The following CHN1 variants were observed in gnomAD, a reference collection of about 807,000 sequenced individuals.
CHN1 encodes chimerin 1, also known as N-chimaerin.
CHN1 carries 37 observed loss-of-function variants against 59.5 expected under a neutral mutation model. The ratio of observed to expected loss-of-function variants is 0.62; its 90% confidence interval spans 0.48 to 0.82. CHN1 has a LOEUF of 0.82. CHN1 is among the 40% of genes least tolerant of loss of function. The pLI, the probability that CHN1 is intolerant of heterozygous loss-of-function variation, is 0.00. For synonymous variants in CHN1, 206 were observed against 200.4 expected, an observed-to-expected ratio of 1.03 and a Z score of -0.24; for missense variants, 469 against 571.0, an observed-to-expected ratio of 0.82 and a Z score of 1.82.
rs556322730 is a variant in CHN1, at chr2:174,870,139, G to A, written c.549+7701C>T. ...TCACTGAATGGTGTTAGAAGCTAAC[G>A]AAATGAAGGATAATAAGGCTGATTC... On this transcript the variant is annotated intron_variant, in intron 6 of 12. Coordinates refer to ENST00000409900, the MANE Select transcript of CHN1 (RefSeq NM_001822.7). 6.5e-4 allele frequency among the ~76,000 whole-genome samples: 99 copies of A among 152,232 alleles called. 1 individual carries two copies. The highest frequency in any genetic ancestry group is 1.0e-3 in the Non-Finnish European group (69 of 67,998).
intron 5 of CHN1, among the ~76,000 whole-genome samples, 166 bp downstream of exon 5, chr2:174,914,892 C>T (rs1375640139): frequency 1.3e-5 from 2 of 150,696 alleles, no homozygotes; most frequent in African/African-American, 2.4e-5. Context: ...TGAGTGTTAC[C>T]ATTCACGAGG....
intron 3 of CHN1, among the ~76,000 whole-genome samples, chr2:174,936,683 G>A (rs1392097480): frequency 6.6e-6 from 1 of 152,000 alleles, no homozygotes; most frequent in Non-Finnish European, 1.5e-5. Context: ...TGACAGAGTT[G>A]TATACACAAA....
chr2:174,914,522 A>G lies in CHN1; in HGVS notation c.260+536T>C, dbSNP rs1574158491. On this transcript the variant is annotated intron_variant, in intron 5 of 12. Transcript: ENST00000409900. ...AACAGGAAAGAAGGGGTAAGATGGAATGGAAGGAAGCAGCTACCGCAAAAT... is the reference window on the plus strand; with the variant it reads ...AACAGGAAAGAAGGGGTAAGATGGAGTGGAAGGAAGCAGCTACCGCAAAAT... Among the ~76,000 whole-genome samples, 4 of 152,306 alleles carry G rather than the reference A, an allele frequency of 2.6e-5. No individual in the cohort carries two copies. The East Asian group carries it at 7.7e-4, about 29-fold the overall frequency.
At chr2:174,862,566 C>T (rs1294793012) in intron 6 of CHN1, among the ~76,000 whole-genome samples, 2 of 152,108 alleles carry the variant, frequency 1.3e-5, no homozygotes, top group East Asian at 1.9e-4. Flanking sequence ...CTCCTAACCT[C>T]GTGATCCACC....
chr2:174,831,214 A>G (rs1460263814), intron 7 of CHN1, among the ~76,000 whole-genome samples: 1 of 152,238 alleles, frequency 6.6e-6, no homozygotes, highest in Non-Finnish European at 1.5e-5. Flanking sequence ...ATTCTCATAA[A>G]AATACATTTA....
At chr2:174,885,090 A>C (rs1687853732) in intron 5 of CHN1, among the ~76,000 whole-genome samples, 1 of 151,756 alleles carries the variant, frequency 6.6e-6, no homozygotes, top group African/African-American at 2.4e-5. Flanking sequence ...GATCAAGACC[A>C]TCCTGGCTAA....
Position 174,874,533 on chromosome 2 carries a change from C to T in CHN1, c.549+3307G>A, listed in dbSNP as rs1250007332. ...GTAAGAATCTTCAGGATTCACTCCT[C>T]ATGGTAAAAACCTTCATGGCCATGA... On this transcript the variant is annotated intron_variant, in intron 6 of 12. Transcript: ENST00000409900. Among the ~76,000 whole-genome samples the T allele has an allele frequency of 5.9e-5, 9 of 152,212 alleles. No homozygotes were observed. The East Asian group carries it at 1.7e-3, about 29-fold the overall frequency.
At chr2:174,955,084 CATCTATATATCTATATATATAG>C (rs945760405) in intron 1 of CHN1, among the ~76,000 whole-genome samples, 3 of 150,392 alleles carry the variant, frequency 2.0e-5, no homozygotes, top group Non-Finnish European at 3.0e-5. Flanking sequence ...GCGGTATATA[CATCTATATATCTATATATATAG>C]ATCTATAGAT....
chr2:174,899,428 A>C (rs1270267352), intron 5 of CHN1, among the ~76,000 whole-genome samples: 1 of 152,224 alleles, frequency 6.6e-6, no homozygotes, highest in Non-Finnish European at 1.5e-5. Flanking sequence ...GATTTGCCAA[A>C]GATGGTAGCA....
At chr2:174,882,151 C>G (rs1558965541) in intron 5 of CHN1, among the ~76,000 whole-genome samples, 1 of 152,160 alleles carries the variant, frequency 6.6e-6, no homozygotes, top group Non-Finnish European at 1.5e-5. Context: ...CAACTCTCAC[C>G]TAGGTAGAGT....
intron 5 of CHN1, among the ~76,000 whole-genome samples, chr2:174,893,854 T>C (rs1254934305): frequency 6.6e-6 from 1 of 151,776 alleles, no homozygotes; most frequent in Non-Finnish European, 1.5e-5. Flanking sequence ...TTAACAAGAG[T>C]ACCAAGACTA....
intron 7 of CHN1, among the ~76,000 whole-genome samples, chr2:174,842,235 GGAGGCAAGGTGGTGGTGT>G (rs1159399570): frequency 6.6e-6 from 1 of 152,138 alleles, no homozygotes; most frequent in Non-Finnish European, 1.5e-5. Flanking sequence ...AAGAATGGAG[GGAGGCAAGGTGGTGGTGT>G]GAGGGTTGGT....
At chr2:174,948,954 A>G (rs1558993886) in intron 2 of CHN1, among the ~76,000 whole-genome samples, 2 of 152,178 alleles carry the variant, frequency 1.3e-5, no homozygotes, top group African/African-American at 4.8e-5. Flanking sequence ...TCAATTCTAA[A>G]CTATATATAT....
At chr2:174,900,846 T>C (rs893292047) in intron 5 of CHN1, among the ~76,000 whole-genome samples, 5 of 151,306 alleles carry the variant, frequency 3.3e-5, no homozygotes, top group African/African-American at 1.2e-4. Flanking sequence ...TGTGGAGGTG[T>C]GCTATCTAGG....
At chr2:174,848,436 A>G (rs1200512936) in intron 6 of CHN1, among the ~76,000 whole-genome samples, 1 of 152,172 alleles carries the variant, frequency 6.6e-6, no homozygotes, top group African/African-American at 2.4e-5. Context: ...GGATGCTTAC[A>G]TTTCCCATTT....
At chr2:174,929,230 T>C (rs1411758084) in intron 3 of CHN1, among the ~76,000 whole-genome samples, 2 of 152,192 alleles carry the variant, frequency 1.3e-5, no homozygotes, top group Non-Finnish European at 2.9e-5. Context: ...ATTTTACTAA[T>C]TCAATAAAGA....
intron 3 of CHN1, among the ~76,000 whole-genome samples, chr2:174,941,328 A>G (rs1458590479): frequency 1.3e-5 from 2 of 152,182 alleles, no homozygotes; most frequent in African/African-American, 2.4e-5. Context: ...TAGTCCCTGG[A>G]AATATTCATT....
At chr2:174,846,374 G>A in intron 7 of CHN1, 1 of 1,548,236 alleles carries the variant, frequency 6.5e-7, no homozygotes, top group Non-Finnish European at 8.7e-7. Flanking sequence ...AGCATCAACA[G>A]TCCCATGGTA....
At chr2:174,820,578 G>C (rs1685450510) in intron 8 of CHN1, among the ~76,000 whole-genome samples, 1 of 152,134 alleles carries the variant, frequency 6.6e-6, no homozygotes, top group Non-Finnish European at 1.5e-5. Flanking sequence ...GACTTTGGTG[G>C]GTGAGACTTT....
Sources: gnomAD v4.1 joint callset for allele counts (sites outside exome capture counted in the v4.1 genomes callset) on GRCh38, gnomAD v4.1.1 for gene constraint, MANE v1.5 for transcripts, NCBI Gene and HGNC (gene_info 2026-07-23, HGNC 2026-07-21) for gene names.